Variants in ALPK3 observed in about 807,000 individuals in gnomAD.
ALPK3 encodes alpha kinase 3, also known as alpha-protein kinase 3.
In ALPK3, 102 loss-of-function variants were observed where a neutral mutation model predicts 140.0. The observed-to-expected ratio is 0.73, with a 90% CI of 0.62 to 0.86. The LOEUF is 0.86. Among genes scored for constraint, ALPK3 ranks in the 40% least tolerant of loss-of-function variants. The probability of loss-of-function intolerance (pLI) is 0.00; values close to 1 mark genes in which losing one functional copy is unlikely to be tolerated. For missense variants in ALPK3, 2,254 were observed against 2,208.2 expected, an observed-to-expected ratio of 1.02 and a Z score of -0.42; for synonymous variants, 938 against 898.5, an observed-to-expected ratio of 1.04 and a Z score of -0.79.
chr15:84,839,266 T>G (rs140710998), intron 4 of ALPK3, among the ~76,000 whole-genome samples, 169 bp downstream of exon 4: 12 of 152,338 alleles, frequency 7.9e-5, no homozygotes, highest in African/African-American at 2.9e-4. Flanking sequence ...ACATCTGCCT[T>G]CCGGTGTCTG....
intron 3 of ALPK3, among the ~76,000 whole-genome samples, chr15:84,831,549 A>C (rs1225511002): frequency 6.6e-6 from 1 of 152,144 alleles, no homozygotes; most frequent in East Asian, 1.9e-4. Context: ...CTTTTCATGA[A>C]TGTAGTATCT....
intron 2 of ALPK3, 106 bp downstream of exon 2, chr15:84,823,474 A>G: frequency 1.0e-6 from 1 of 968,866 alleles, no homozygotes; most frequent in Non-Finnish European, 1.6e-6. Context: ...GCATGGGGTG[A>G]GGGGAGAGCT....
chr15:84,849,579 G>A (rs1050482199), intron 5 of ALPK3, among the ~76,000 whole-genome samples: 6 of 152,072 alleles, frequency 3.9e-5, no homozygotes, highest in Non-Finnish European at 8.8e-5. Context: ...TGACCAAAAT[G>A]AAATTAAACT....
Position 84,842,693 on chromosome 15 carries a change from G to T in ALPK3, c.1653+1761G>T, listed in dbSNP as rs187107743. 1.5e-4 allele frequency among the ~76,000 whole-genome samples: 23 copies of T among 152,298 alleles called. No homozygotes were observed. The East Asian group carries it at 4.0e-3, about 27-fold the overall frequency. ...CATGGGAAATGGTTTTATTTCATGG[G>T]TGCTAAGGTTAGACTGTAGGAACAG... On this transcript the variant is annotated intron_variant, in intron 5 of 13. Transcript: ENST00000258888.
chr15:84,867,011 G>A (rs1964010336), intron 12 of ALPK3, among the ~76,000 whole-genome samples: 1 of 152,078 alleles, frequency 6.6e-6, no homozygotes, highest in Admixed American at 6.5e-5. Context: ...GTATGACTTT[G>A]CTCAAGCCAT....
At position 84,871,901 on chromosome 15, in the gene ALPK3, T is replaced by C. The variant is rs911633947; in HGVS notation, c.*3445T>C. 6.6e-6 allele frequency: 1 copy of C among 152,180 alleles called. No individual in the cohort carries two copies. The highest frequency in any genetic ancestry group is 1.5e-5 in the Non-Finnish European group (1 of 68,036). 9.4% of individuals were successfully genotyped at this position (152,180 alleles called of 1,614,324 possible). ...TTATGGCATTTGAGAATTCCATGGA[T>C]ATTGATGGCAGGAGAGGCATGATGG... On this transcript the variant is annotated 3_prime_UTR_variant, in exon 14 of 14. Transcript: ENST00000258888.
intron 5 of ALPK3, among the ~76,000 whole-genome samples, chr15:84,855,157 T>G (rs1003390622): frequency 6.6e-6 from 1 of 152,256 alleles, no homozygotes; most frequent in Admixed American, 6.5e-5. Context: ...CTGCCGTGTC[T>G]TCGGCCAGTT....
rs1030411278 is a variant in ALPK3 at position 84,870,708 on chromosome 15, C to T, written c.*2252C>T. 6.6e-6 allele frequency: 1 copy of T among 152,152 alleles called. No individual in the cohort carries two copies. Among genetic ancestry groups the T allele is most frequent in the African/African-American group, 2.4e-5 (1 of 41,424 alleles). 9.4% of individuals were successfully genotyped at this position (152,152 alleles called of 1,614,324 possible). On this transcript the variant is annotated 3_prime_UTR_variant, in exon 14 of 14. Transcript: ENST00000258888. The stretch of plus-strand genomic sequence containing the variant: ...TGGTTCTAGTGGGTCCCCTTCCACT[C>T]AAGATTCAAATTCCAAGTGAAAGAA...
rs1357707595 is a variant in ALPK3, at chr15:84,862,709, C to T, written c.4204C>T (p.Leu1402Phe). 1.9e-6 allele frequency: 3 copies of T among 1,614,040 alleles called. No individual in the cohort carries two copies. Among genetic ancestry groups the T allele is most frequent in the African/African-American group, 1.3e-5 (1 of 74,926 alleles). The stretch of plus-strand genomic sequence containing the variant: ...TGACTCTGGCTGCTGGGGGGACAAG[C>T]TCTTTGGGCGACTGGTAAGCGAGGA... Reference protein sequence around the residue: ...LADSGCWGDKLFGRLVSEELR... With the variant: ...LADSGCWGDKFFGRLVSEELR... The change falls in exon 10 of 14, where the codon CTC (leucine) becomes TTC (phenylalanine). Residue 1402 changes from leucine (L) to phenylalanine (F), a missense_variant. Coordinates refer to ENST00000258888, the MANE Select transcript of ALPK3 (RefSeq NM_020778.5).
In ALPK3 at chr15:84,857,788, G is replaced by A. The variant is rs776844237; in HGVS notation, c.3050G>A (p.Arg1017His). Residue 1017 changes from arginine to histidine, a missense_variant, in exon 6 of 14, where the codon CGT becomes CAT. Transcript: ENST00000258888. Reference protein sequence around the residue: ...SPRTSRRILERVENNHLVQSA... With the variant: ...SPRTSRRILEHVENNHLVQSA... ...CGGACATCGAGGCGCATCCTGGAGC[G>A]TGTGGAGAACAACCACCTGGTGCAG... The A allele has an allele frequency of 1.6e-5, 25 of 1,611,926 alleles. No individual in the cohort carries two copies. The highest frequency in any genetic ancestry group is 4.5e-5 in the East Asian group (2 of 44,822).
rs999377672 is a variant in ALPK3 at position 84,872,785 on chromosome 15, T to C, written c.*4329T>C. On this transcript the variant is annotated 3_prime_UTR_variant, in exon 14 of 14. Coordinates refer to ENST00000258888, the MANE Select transcript of ALPK3 (RefSeq NM_020778.5). Reference sequence around the variant, plus strand: ...CCCAGATGAATGGATACAGACCTCTTTGGGGAAGGCTGCAAGGAAGGTTCA... The same window carrying C: ...CCCAGATGAATGGATACAGACCTCTCTGGGGAAGGCTGCAAGGAAGGTTCA... 2 of 152,208 alleles carry C rather than the reference T, an allele frequency of 1.3e-5. No homozygotes were observed. The highest frequency in any genetic ancestry group is 4.8e-5 in the African/African-American group (2 of 41,454). The allele number at this position is 152,208 out of a possible 1,614,324, so 9.4% of individuals were successfully genotyped here.
chr15:84,827,669 G>A lies in ALPK3; in HGVS notation c.304+64G>A, dbSNP rs1323322617. 5.0e-6 allele frequency: 8 copies of A among 1,594,178 alleles called. No homozygotes were observed. The East Asian group carries it at 1.1e-4, about 22-fold the overall frequency. ...GCACAGAGCAGGGTCCAAGGAGGCTGTGAGGACAGGAATGGTGGGGTGGCG... is the reference window on the plus strand; with the variant it reads ...GCACAGAGCAGGGTCCAAGGAGGCTATGAGGACAGGAATGGTGGGGTGGCG... On this transcript the variant is annotated intron_variant, in intron 3 of 13. Coordinates refer to ENST00000258888, the MANE Select transcript of ALPK3 (RefSeq NM_020778.5).
In ALPK3 at chr15:84,857,714, G is replaced by A; in HGVS notation, c.2976G>A (p.Val992=). The A allele has an allele frequency of 6.2e-7, 1 of 1,612,204 alleles. No individual in the cohort carries two copies. Among genetic ancestry groups the A allele is most frequent in the Non-Finnish European group, 8.5e-7 (1 of 1,178,774 alleles). Residue 992 remains valine, a synonymous_variant, in exon 6 of 14, where the codon GTG becomes GTA. Transcript: ENST00000258888. ...TGGGGGCAGCCACCGGAGGTCTGGT[G>A]CCCTCAGCCACTCTGACACCCACTG... ...SQVGAATGGL[V]PSATLTPTVE... is the part of the protein sequence containing the mutation.
chr15:84,860,000 G>T, intron 8 of ALPK3, 37 bp from the exon 9 acceptor site: 1 of 1,614,132 alleles, frequency 6.2e-7, no homozygotes, highest in Non-Finnish European at 8.5e-7. Context: ...TGGCACAGCA[G>T]CCTGAAGGCA....
Position 84,857,227 on chromosome 15 carries a change from A to C in ALPK3, c.2489A>C (p.Lys830Thr). ...CAGTCATCAGGCCCAGTCGAGGCCA[A>C]GCAGGAGGACAGCCCGTTCCAGTGC... ...GPQSSGPVEAKQEDSPFQCPK... is the reference protein window; with the variant it reads ...GPQSSGPVEATQEDSPFQCPK... Residue 830 changes from lysine (K) to threonine (T), a missense_variant, in exon 6 of 14, where the codon AAG becomes ACG. Transcript: ENST00000258888. The C allele has an allele frequency of 1.2e-6, 2 of 1,614,020 alleles. No homozygotes were observed.
At position 84,839,976 on chromosome 15, in the gene ALPK3, C is replaced by A; in HGVS notation, c.697C>A (p.Pro233Thr). The A allele has an allele frequency of 6.2e-7, 1 of 1,612,748 alleles. No homozygotes were observed. The highest frequency in any genetic ancestry group is 8.5e-7 in the Non-Finnish European group (1 of 1,179,410). Residue 233 changes from proline to threonine, a missense_variant, in exon 5 of 14, where the codon CCG (proline) becomes ACG (threonine). Physicochemically the swap from Pro to Thr is conservative, Grantham distance 38. Transcript: ENST00000258888. ...RKRRLSGAQA[P>T]GPSVPTREPE... ...GCGGCGATTGAGCGGGGCTCAAGCG[C>A]CGGGCCCCTCGGTCCCTACCAGGGA...
intron 5 of ALPK3, among the ~76,000 whole-genome samples, chr15:84,850,915 C>CACACA (rs1567092270): frequency 2.7e-5 from 4 of 149,850 alleles, no homozygotes; most frequent in Admixed American, 6.6e-5. Flanking sequence ...CACACACACA[C>CACACA]CCTCTGTCAT....
chr15:84,838,890 G>C, intron 3 of ALPK3, 90 bp from the exon 4 acceptor site: 1 of 1,101,558 alleles, frequency 9.1e-7, no homozygotes, highest in Admixed American at 1.8e-5. Flanking sequence ...CCAAAGTGCT[G>C]GGATTACAGG....
At chr15:84,844,036 G>A (rs558390292) in intron 5 of ALPK3, among the ~76,000 whole-genome samples, 8 of 152,156 alleles carry the variant, frequency 5.3e-5, no homozygotes, top group South Asian at 2.1e-4. Flanking sequence ...CAAGACCAGC[G>A]TGGCCAAGAT....
Sources: allele counts gnomAD v4.1 joint callset (sites outside exome capture counted in the v4.1 genomes callset), GRCh38; gene constraint gnomAD v4.1.1; transcripts MANE v1.5; gene names NCBI Gene and HGNC (gene_info 2026-07-23, HGNC 2026-07-21).